Variants in CSMD1 observed in about 807,000 individuals in gnomAD.
The protein encoded by CSMD1 is CUB and Sushi multiple domains 1.
In CSMD1, 213 loss-of-function variants were observed where a neutral mutation model predicts 417.5. The observed-to-expected ratio is 0.51, with a 90% CI of 0.46 to 0.57. CSMD1 has a LOEUF of 0.57. CSMD1 is among the 20% of genes least tolerant of loss of function. CSMD1 has a pLI of 0.00. For missense variants in CSMD1, 6,923 were observed against 4,529.7 expected, an observed-to-expected ratio of 1.53 and a Z score of -15.17; for synonymous variants, 2,862 against 1,736.8, an observed-to-expected ratio of 1.65 and a Z score of -16.11.
intron 3 of CSMD1, among the ~76,000 whole-genome samples, chr8:4,202,900 C>T (rs1054869116): frequency 6.6e-6 from 1 of 152,182 alleles, no homozygotes; most frequent in East Asian, 1.9e-4. Flanking sequence ...GGGGCATGGA[C>T]TGTGTGGACA....
intron 3 of CSMD1, among the ~76,000 whole-genome samples, chr8:4,104,871 T>C (rs1197059856): frequency 1.3e-5 from 2 of 152,190 alleles, no homozygotes; most frequent in Non-Finnish European, 2.9e-5. Flanking sequence ...TTTTTAGGTA[T>C]TACTTTTTCT....
In CSMD1 at chr8:4,453,426, G is replaced by C. The variant is rs375036189; in HGVS notation, c.303-33361C>G. The stretch of plus-strand genomic sequence containing the variant: ...GGAGATTCCCAGAAGACACTGGACA[G>C]TTAGTCACCCGTGTGTTGGTGCAGC... On this transcript the variant is annotated intron_variant, in intron 2 of 69. Transcript: ENST00000635120. Among the ~76,000 whole-genome samples the C allele has an allele frequency of 2.6e-5, 4 of 152,222 alleles. No homozygotes were observed. The South Asian group carries it at 6.2e-4, about 24-fold the overall frequency.
intron 5 of CSMD1, among the ~76,000 whole-genome samples, chr8:3,875,583 A>G (rs980617530): frequency 1.3e-5 from 2 of 152,114 alleles, no homozygotes; most frequent in Non-Finnish European, 1.5e-5. Context: ...TTTATTGGAG[A>G]GGAGTCCCAT....
At chr8:3,424,537 T>C (rs1176768698) in intron 12 of CSMD1, among the ~76,000 whole-genome samples, 1 of 152,226 alleles carries the variant, frequency 6.6e-6, no homozygotes, top group Non-Finnish European at 1.5e-5. Context: ...TACTTGGCTA[T>C]TGTTCTTGTA....
intron 1 of CSMD1, among the ~76,000 whole-genome samples, chr8:4,901,448 A>G (rs1804864644): frequency 6.6e-6 from 1 of 152,222 alleles, no homozygotes; most frequent in African/African-American, 2.4e-5. Context: ...AGAATTTAAT[A>G]CATAGTTGAG....
intron 2 of CSMD1, among the ~76,000 whole-genome samples, chr8:4,553,124 G>A (rs1331795969): frequency 6.6e-6 from 1 of 152,162 alleles, no homozygotes; most frequent in African/African-American, 2.4e-5. Context: ...GTACCTATGA[G>A]CCCCGTACCT....
At position 4,213,030 on chromosome 8, in the gene CSMD1, G is replaced by C. The variant is rs187771627; in HGVS notation, c.416-180931C>G. ...TTTGTTTTCTTATTTTTAAAACTGA[G>C]TTACTAATTTAAGACCCACTCTAAG... is the stretch of plus-strand genomic sequence containing the variant. On this transcript the variant is annotated intron_variant, in intron 3 of 69. Transcript: ENST00000635120. 5.3e-5 allele frequency among the ~76,000 whole-genome samples: 8 copies of C among 152,136 alleles called. No individual in the cohort carries two copies. In the East Asian group the frequency reaches 1.5e-3, roughly 29 times the overall value.
intron 5 of CSMD1, among the ~76,000 whole-genome samples, chr8:3,870,754 T>C (rs1805427002): frequency 6.6e-6 from 1 of 152,162 alleles, no homozygotes; most frequent in South Asian, 2.1e-4. Flanking sequence ...TTTTTAACCA[T>C]AAATAAATGT....
intron 5 of CSMD1, among the ~76,000 whole-genome samples, chr8:3,940,550 T>C (rs571505375): frequency 7.3e-5 from 11 of 151,230 alleles, no homozygotes; most frequent in African/African-American, 1.5e-4. Context: ...TATGTGTACA[T>C]AGGTTTCTTT....
At chr8:3,248,316 C>CA (rs1800014183) in intron 26 of CSMD1, among the ~76,000 whole-genome samples, 1 of 58,444 alleles carries the variant, frequency 1.7e-5, no homozygotes, top group Admixed American at 2.1e-4. Flanking sequence ...CCTGTTGTCT[C>CA]AGATAGTGAT....
At chr8:3,535,162 C>T (rs770789334) in intron 10 of CSMD1, among the ~76,000 whole-genome samples, 9 of 151,888 alleles carry the variant, frequency 5.9e-5, no homozygotes, top group Non-Finnish European at 8.8e-5. Context: ...CCATGGTGCC[C>T]ATGCTGGTCT....
chr8:4,439,770 C>T (rs997416821), intron 2 of CSMD1, among the ~76,000 whole-genome samples: 9 of 152,066 alleles, frequency 5.9e-5, no homozygotes, highest in Non-Finnish European at 1.0e-4. Flanking sequence ...ATGGAGAATC[C>T]TAAGCCTACA....
intron 1 of CSMD1, among the ~76,000 whole-genome samples, chr8:4,933,207 G>T (rs5001121): frequency 0.9 from 136,790 of 151,910 alleles, 62,773 homozygotes; most frequent in Non-Finnish European, 0.99. Flanking sequence ...CCTCTCTTCT[G>T]TCTTCTGAAT....
intron 2 of CSMD1, among the ~76,000 whole-genome samples, chr8:4,596,194 A>C (rs1333127177): frequency 2.0e-5 from 3 of 152,302 alleles, no homozygotes; most frequent in African/African-American, 4.8e-5. Flanking sequence ...ACATCAAGTA[A>C]GTTTGGTTTT....
At chr8:4,422,573 C>A (rs899604411) in intron 2 of CSMD1, among the ~76,000 whole-genome samples, 1 of 152,030 alleles carries the variant, frequency 6.6e-6, no homozygotes, top group African/African-American at 2.4e-5. Context: ...AGAGCCCTCA[C>A]CAGGAACTGA....
chr8:4,336,089 T>C lies in CSMD1; in HGVS notation c.415+83864A>G, dbSNP rs146390912. 1.7e-4 allele frequency among the ~76,000 whole-genome samples: 26 copies of C among 152,244 alleles called. No homozygotes were observed. The East Asian group carries it at 4.8e-3, about 28-fold the overall frequency. Reference sequence around the variant, plus strand: ...TAAGTTCCACAAGACAATCCACTAATTGATGAGAAATAGTGTAAGTATTTT... The same window carrying C: ...TAAGTTCCACAAGACAATCCACTAACTGATGAGAAATAGTGTAAGTATTTT... On this transcript the variant is annotated intron_variant, in intron 3 of 69. Coordinates refer to ENST00000635120, the MANE Select transcript of CSMD1 (RefSeq NM_033225.6).
intron 49 of CSMD1, among the ~76,000 whole-genome samples, chr8:3,069,264 G>C (rs912929434): frequency 6.6e-5 from 10 of 151,838 alleles, no homozygotes; most frequent in African/African-American, 2.2e-4. Context: ...TGAACACCCT[G>C]TCGCTACTAA....
chr8:3,112,783 A>G (rs1816598624), intron 42 of CSMD1, among the ~76,000 whole-genome samples: 1 of 152,184 alleles, frequency 6.6e-6, no homozygotes, highest in South Asian at 2.1e-4. Context: ...AAGGAAAATA[A>G]CAGACGCTCA....
intron 10 of CSMD1, among the ~76,000 whole-genome samples, chr8:3,516,715 T>G (rs766242672): frequency 3.3e-5 from 5 of 152,170 alleles, no homozygotes; most frequent in African/African-American, 1.2e-4. Flanking sequence ...TGGTGGAGAT[T>G]TGTGATATTT....
Sources: allele counts gnomAD v4.1 joint callset (sites outside exome capture counted in the v4.1 genomes callset), GRCh38; gene constraint gnomAD v4.1.1; transcripts MANE v1.5; gene names NCBI Gene and HGNC (gene_info 2026-07-23, HGNC 2026-07-21).